Variants in VPS13B observed in about 807,000 individuals in gnomAD.
VPS13B encodes the protein intermembrane lipid transfer protein VPS13B.
A neutral mutation model predicts 426.4 loss-of-function variants in VPS13B; 285 were observed. The ratio of observed to expected loss-of-function variants is 0.67; its 90% CI spans 0.61 to 0.74. The LOEUF is 0.74. Ranked by LOEUF, VPS13B falls within the 30% of genes least tolerant of loss-of-function variation. VPS13B has a pLI of 0.00. For synonymous variants in VPS13B, 1,676 were observed against 1,676.4 expected, an observed-to-expected ratio of 1.00 and a Z score of 0.01; for missense variants, 4,537 against 4,782.6, an observed-to-expected ratio of 0.95 and a Z score of 1.51.
intron 30 of VPS13B, among the ~76,000 whole-genome samples, chr8:99,544,727 C>T (rs1210487587): frequency 1.3e-5 from 2 of 151,656 alleles, no homozygotes; most frequent in Non-Finnish European, 2.9e-5. Flanking sequence ...TTACAAGCAT[C>T]CTTATCCCAG....
chr8:99,804,798 C>G (rs1813305070), intron 43 of VPS13B, among the ~76,000 whole-genome samples: 1 of 151,734 alleles, frequency 6.6e-6, no homozygotes, highest in Non-Finnish European at 1.5e-5. Context: ...TCAAGACCAC[C>G]CTGGGCAAAA....
chr8:99,819,598 G>A lies in VPS13B; in HGVS notation c.8792+16G>A. ...ATTCTGACAGGTAATATTCTTCAGT[G>A]ATCTTTTTCTACAAAAATTTCTCAA... On this transcript the variant is annotated intron_variant, in intron 48 of 61. Transcript: ENST00000357162. 6.2e-7 allele frequency: 1 copy of A among 1,611,816 alleles called. No individual in the cohort carries two copies. The highest frequency in any genetic ancestry group is 8.5e-7 in the Non-Finnish European group (1 of 1,178,874).
intron 2 of VPS13B, among the ~76,000 whole-genome samples, chr8:99,037,736 C>T (rs560356879): frequency 1.2e-4 from 18 of 151,980 alleles, no homozygotes; most frequent in Admixed American, 4.6e-4. Flanking sequence ...ATTTTTCATG[C>T]CTAACCTTTT....
chr8:99,809,410 G>A lies in VPS13B; in HGVS notation c.7977G>A (p.Trp2659Ter). 2 of 1,613,930 alleles carry A rather than the reference G, an allele frequency of 1.2e-6. No homozygotes were observed. The highest frequency in any genetic ancestry group is 1.7e-6 in the Non-Finnish European group (2 of 1,179,950). ...TCTGTATTGAAGGTTGGGGCAACTG[G>A]CGTTGGTCAGAGCCTTTCAGTGTGG... ...LHICIEGWGN[W>*]RWSEPFSVDH... The change falls in exon 44 of 62, where the codon TGG (tryptophan) becomes TGA (stop). Residue 2659 changes from tryptophan (W) to a stop codon, truncating the protein, a stop_gained. Transcript: ENST00000357162. LOFTEE classifies it high-confidence loss of function.
At chr8:99,478,002 G>A (rs1306388369) in intron 24 of VPS13B, among the ~76,000 whole-genome samples, 4 of 151,424 alleles carry the variant, frequency 2.6e-5, no homozygotes, top group Non-Finnish European at 5.9e-5. Context: ...TAATCCCAGC[G>A]ACTTGGTAGG....
chr8:99,043,356 C>A (rs1348472300), intron 3 of VPS13B, among the ~76,000 whole-genome samples: 1 of 152,008 alleles, frequency 6.6e-6, no homozygotes, highest in Admixed American at 6.6e-5. Flanking sequence ...TAATCAGTCT[C>A]TATTAATTGA....
intron 39 of VPS13B, among the ~76,000 whole-genome samples, chr8:99,750,584 A>G (rs1588681750): frequency 1.3e-5 from 2 of 152,282 alleles, no homozygotes; most frequent in Admixed American, 1.3e-4. Context: ...GAAGAGCAGG[A>G]GACCTTTGTA....
intron 3 of VPS13B, among the ~76,000 whole-genome samples, chr8:99,040,485 C>G (rs1842922473): frequency 6.6e-6 from 1 of 152,124 alleles, no homozygotes; most frequent in Non-Finnish European, 1.5e-5. Flanking sequence ...GTGTACACCT[C>G]TGGAGAGTAA....
chr8:99,445,578 G>T (rs1817874720), intron 23 of VPS13B, among the ~76,000 whole-genome samples: 1 of 150,144 alleles, frequency 6.7e-6, no homozygotes, highest in Non-Finnish European at 1.5e-5. Context: ...AATCTAAAAA[G>T]TTTTCCTGTG....
intron 34 of VPS13B, among the ~76,000 whole-genome samples, chr8:99,657,381 G>A (rs1006422912): frequency 4.0e-5 from 6 of 151,778 alleles, no homozygotes; most frequent in Non-Finnish European, 8.8e-5. Flanking sequence ...GGTAAATAGT[G>A]CTATTTTGTC....
intron 19 of VPS13B, among the ~76,000 whole-genome samples, chr8:99,378,966 A>G (rs1370647797): frequency 6.6e-6 from 1 of 152,116 alleles, no homozygotes; most frequent in African/African-American, 2.4e-5. Context: ...GTTCCATTCC[A>G]TGGCTTGTTA....
chr8:99,506,093 C>T (rs1332995317), intron 27 of VPS13B, among the ~76,000 whole-genome samples: 2 of 152,084 alleles, frequency 1.3e-5, no homozygotes, highest in Non-Finnish European at 1.5e-5. Flanking sequence ...CTGTATACGT[C>T]CCATCCATTC....
intron 22 of VPS13B, among the ~76,000 whole-genome samples, chr8:99,440,284 G>A (rs1399643488): frequency 1.3e-5 from 2 of 152,032 alleles, no homozygotes; most frequent in African/African-American, 4.8e-5. Context: ...GGCTCAGAGG[G>A]TCCCAACCAG....
intron 19 of VPS13B, among the ~76,000 whole-genome samples, chr8:99,363,536 A>G (rs1271910406): frequency 6.6e-6 from 1 of 152,186 alleles, no homozygotes; most frequent in Non-Finnish European, 1.5e-5. Context: ...TAGGGATTGC[A>G]ATGAATATGT....
chr8:99,366,594 A>G (rs1349887073), intron 19 of VPS13B, among the ~76,000 whole-genome samples: 4 of 148,052 alleles, frequency 2.7e-5, no homozygotes, highest in African/African-American at 7.5e-5. Context: ...GTCCATTTAT[A>G]TTCAGTGTTA....
At chr8:99,386,111 G>A (rs759922491) in intron 20 of VPS13B, among the ~76,000 whole-genome samples, 4 of 152,072 alleles carry the variant, frequency 2.6e-5, no homozygotes, top group Non-Finnish European at 5.9e-5. Flanking sequence ...AACCAGTTGG[G>A]AATAATTTTC....
rs528265183 is a variant in VPS13B, at chr8:99,823,819, A to T, written c.9184-13A>T. On this transcript the variant is annotated splice_polypyrimidine_tract_variant and intron_variant, in intron 50 of 61. Coordinates refer to ENST00000357162, the MANE Select transcript of VPS13B (RefSeq NM_152564.5). ...AGTATTGTCAAAATTATTTTTTCTC[A>T]ATTATCTTGTAGTTATGTCAGTTCT... 1 of 1,612,478 alleles carries T rather than the reference A, an allele frequency of 6.2e-7. No homozygotes were observed. Among genetic ancestry groups the T allele is most frequent in the African/African-American group, 1.3e-5 (1 of 75,006 alleles).
rs566794579 is a variant in VPS13B at position 99,205,704 on chromosome 8, G to C, written c.2515+12647G>C. On this transcript the variant is annotated intron_variant, in intron 17 of 61. Coordinates refer to ENST00000357162, the MANE Select transcript of VPS13B (RefSeq NM_152564.5). ...TCATTGGCTTCTTACCAGGAATATTGTTGTTGGCAGGTTATATATCCTTTT... is the reference window on the plus strand; with the variant it reads ...TCATTGGCTTCTTACCAGGAATATTCTTGTTGGCAGGTTATATATCCTTTT... 1.6e-4 allele frequency among the ~76,000 whole-genome samples: 25 copies of C among 152,190 alleles called. 1 individual carries two copies. The highest frequency in any genetic ancestry group is 5.8e-4 in the African/African-American group (24 of 41,526).
At chr8:99,573,106 G>C (rs1413402080) in intron 31 of VPS13B, among the ~76,000 whole-genome samples, 1 of 152,142 alleles carries the variant, frequency 6.6e-6, no homozygotes, top group Non-Finnish European at 1.5e-5. Context: ...GTCTTCTTTT[G>C]AGAAGTGTCT....
Sources: allele counts gnomAD v4.1 joint callset (sites outside exome capture counted in the v4.1 genomes callset), GRCh38; gene constraint gnomAD v4.1.1; transcripts MANE v1.5; gene names NCBI Gene and HGNC (gene_info 2026-07-23, HGNC 2026-07-21).